ITSN1: variants seen among roughly 807,000 people sequenced by gnomAD.
ITSN1 encodes intersectin 1, also known as intersectin-1.
ITSN1 carries 58 observed loss-of-function variants against 239.8 expected under a neutral mutation model. The observed-to-expected ratio is 0.24, with a 90% CI of 0.20 to 0.30. The LOEUF is 0.30. Ranked by LOEUF, ITSN1 falls within the 10% of genes least tolerant of loss-of-function variation. The probability of loss-of-function intolerance (pLI) is 1.00; values close to 1 mark genes in which losing one functional copy is unlikely to be tolerated. For synonymous variants in ITSN1, 780 were observed against 770.8 expected (o/e 1.01, Z -0.20); for missense variants, 1,558 against 2,103.3 (o/e 0.74, Z 5.07).
At position 33,808,373 on chromosome 21, in the gene ITSN1, T is replaced by TC. The variant is rs546106289; in HGVS notation, c.2320-2601dup. Reference sequence around the variant, plus strand: ...GCCTAGGCGGGCAGATCACCTGAGGTCAGGAGTTCGAGACCAGCCTGGCCA... The same window carrying TC: ...GCCTAGGCGGGCAGATCACCTGAGGTCCAGGAGTTCGAGACCAGCCTGGCCA... On this transcript the variant is annotated intron_variant, in intron 20 of 39. Coordinates refer to ENST00000381318, the MANE Select transcript of ITSN1 (RefSeq NM_003024.3). Among the ~76,000 whole-genome samples, 437 of 152,134 alleles carry TC rather than the reference T, an allele frequency of 2.9e-3. 1 individual carries two copies. The highest frequency in any genetic ancestry group is 0.01 in the African/African-American group (417 of 41,500).
rs1190996078 is a variant in ITSN1 at position 33,824,935 on chromosome 21, CAGACCT to C, written c.3183+1283_3183+1288del. On this transcript the variant is annotated intron_variant, in intron 25 of 39. Transcript: ENST00000381318. ...GAGACAGCTGGCATATTGGACTTTT[CAGACCT>C]GGAAACAGAGAATTCAATTCTTCTC... Among the ~76,000 whole-genome samples the C allele has an allele frequency of 5.3e-5, 8 of 152,294 alleles. No homozygotes were observed. The East Asian group carries it at 1.5e-3, about 29-fold the overall frequency.
intron 8 of ITSN1, among the ~76,000 whole-genome samples, chr21:33,758,281 C>T (rs1023765373): frequency 2.6e-5 from 4 of 152,094 alleles, no homozygotes; most frequent in Non-Finnish European, 5.9e-5. Flanking sequence ...TGCCACCATG[C>T]CCAGCTAATT....
chr21:33,819,000 AT>A (rs1315173375), intron 23 of ITSN1, among the ~76,000 whole-genome samples: 11 of 152,240 alleles, frequency 7.2e-5, no homozygotes, highest in African/African-American at 2.7e-4. Flanking sequence ...ATGCCTTGAA[AT>A]AAACTAGTAC....
At position 33,895,995 on chromosome 21, in the gene ITSN1, G is replaced by C. The variant is rs1986758750; in HGVS notation, c.*7695G>C. ...TGCCAGGCAGCACACCCAGGAGGCC[G>C]GCCCTGACCACACTGTTCTCTGCTG... On this transcript the variant is annotated 3_prime_UTR_variant, in exon 40 of 40. Coordinates refer to ENST00000381318, the MANE Select transcript of ITSN1 (RefSeq NM_003024.3). The C allele has an allele frequency of 6.6e-6, 1 of 152,310 alleles. No homozygotes were observed. The highest frequency in any genetic ancestry group is 2.4e-5 in the African/African-American group (1 of 41,432). 9.4% of individuals were successfully genotyped at this position (152,310 alleles called of 1,614,324 possible). A position where few individuals can be genotyped will look rare whatever the true frequency, so the allele number is the denominator to read the frequency against.
chr21:33,725,094 C>A (rs1474783986), intron 4 of ITSN1, among the ~76,000 whole-genome samples: 1 of 147,726 alleles, frequency 6.8e-6, no homozygotes, highest in African/African-American at 2.5e-5. Flanking sequence ...ATATAATGAG[C>A]CCTCATCTTT....
intron 1 of ITSN1, among the ~76,000 whole-genome samples, chr21:33,703,302 C>G (rs2092110552): frequency 6.6e-6 from 1 of 151,794 alleles, no homozygotes; most frequent in Non-Finnish European, 1.5e-5. Context: ...ATGTAAGTGC[C>G]AAAATTAAGG....
intron 5 of ITSN1, among the ~76,000 whole-genome samples, chr21:33,738,415 A>T (rs1381387374): frequency 6.6e-6 from 1 of 151,762 alleles, no homozygotes; most frequent in Non-Finnish European, 1.5e-5. Flanking sequence ...CATTTATCTA[A>T]AGGCGAGATG....
intron 4 of ITSN1, among the ~76,000 whole-genome samples, chr21:33,731,381 A>G (rs905496019): frequency 1.3e-5 from 2 of 152,198 alleles, no homozygotes; most frequent in South Asian, 2.1e-4. Flanking sequence ...ATTTTTATTA[A>G]TGGGAACTCT....
chr21:33,788,388 T>G (rs527899741), intron 16 of ITSN1, among the ~76,000 whole-genome samples: 1 of 152,362 alleles, frequency 6.6e-6, no homozygotes, highest in East Asian at 1.9e-4. Context: ...GACTTCAAAT[T>G]TAAATTTTTG....
chr21:33,841,625 G>T (rs2074825888), intron 29 of ITSN1, among the ~76,000 whole-genome samples: 1 of 152,198 alleles, frequency 6.6e-6, no homozygotes, highest in South Asian at 2.1e-4. Flanking sequence ...AGGGACCGTT[G>T]TCTGAGCCAA....
At chr21:33,860,812 GC>G (rs1383111153) in intron 31 of ITSN1, among the ~76,000 whole-genome samples, 1 of 152,170 alleles carries the variant, frequency 6.6e-6, no homozygotes, top group Non-Finnish European at 1.5e-5. Context: ...TTTTGTCTGG[GC>G]TCCGGCCCCT....
rs181791628 is a variant in ITSN1 at position 33,887,890 on chromosome 21, G to A, written c.5018-262G>A. ...CCCAAAGTGCTGGGATTACAGACGC[G>A]AGCCACTGTGCCCGGCCACCTTCTA... On this transcript the variant is annotated intron_variant, in intron 39 of 39. Coordinates refer to ENST00000381318, the MANE Select transcript of ITSN1 (RefSeq NM_003024.3). 6.1e-3 allele frequency among the ~76,000 whole-genome samples: 935 copies of A among 152,036 alleles called. 9 individuals are homozygous for A. Among genetic ancestry groups the A allele is most frequent in the African/African-American group, 0.021 (886 of 41,486 alleles).
intron 20 of ITSN1, among the ~76,000 whole-genome samples, chr21:33,808,690 C>T (rs1359694795): frequency 6.6e-6 from 1 of 152,178 alleles, no homozygotes; most frequent in Admixed American, 6.5e-5. Context: ...TTATTATCCC[C>T]ATTTTACAGA....
chr21:33,885,971 C>T (rs573588692), intron 38 of ITSN1, among the ~76,000 whole-genome samples: 162 of 152,172 alleles, frequency 1.1e-3, no homozygotes, highest in Middle Eastern at 3.4e-3. Flanking sequence ...CTTTGGGAGG[C>T]CAAAGCAGGT....
At chr21:33,782,442 C>G (rs1358722387) in intron 16 of ITSN1, among the ~76,000 whole-genome samples, 1 of 152,150 alleles carries the variant, frequency 6.6e-6, no homozygotes, top group Admixed American at 6.5e-5. Flanking sequence ...TCTTTGAATA[C>G]TACTAAAAGG....
intron 29 of ITSN1, among the ~76,000 whole-genome samples, chr21:33,840,950 G>A (rs2074801898): frequency 2.0e-5 from 3 of 152,110 alleles, no homozygotes; most frequent in South Asian, 2.1e-4. Flanking sequence ...GTGCACTTAC[G>A]AATCACTCTC....
chr21:33,788,357 C>T (rs2070832760), intron 16 of ITSN1, among the ~76,000 whole-genome samples: 2 of 152,212 alleles, frequency 1.3e-5, no homozygotes, highest in African/African-American at 4.8e-5. Flanking sequence ...GGGAAATAGT[C>T]TTATTATTTT....
chr21:33,762,412 A>G lies in ITSN1; in HGVS notation c.788+426A>G, dbSNP rs1225362210. ...CTCCTGAGTAGCTGGGATTATAGGC[A>G]TGCACCACCATGCCCGGCTAATTTT... On this transcript the variant is annotated intron_variant, in intron 9 of 39. Coordinates refer to ENST00000381318, the MANE Select transcript of ITSN1 (RefSeq NM_003024.3). 2.6e-5 allele frequency among the ~76,000 whole-genome samples: 4 copies of G among 151,756 alleles called. No individual in the cohort carries two copies. In the East Asian group the frequency reaches 7.8e-4, roughly 29 times the overall value.
At chr21:33,728,931 T>C (rs2065998472) in intron 4 of ITSN1, among the ~76,000 whole-genome samples, 1 of 152,020 alleles carries the variant, frequency 6.6e-6, no homozygotes, top group African/African-American at 2.4e-5. Flanking sequence ...AATGAATGAC[T>C]GGATTAGTCT....
Sources: allele counts gnomAD v4.1 joint callset (sites outside exome capture counted in the v4.1 genomes callset), GRCh38; gene constraint gnomAD v4.1.1; transcripts MANE v1.5; gene names NCBI Gene and HGNC (gene_info 2026-07-23, HGNC 2026-07-21).